The following THSD7B variants were observed in gnomAD, a reference collection of about 807,000 sequenced individuals.
THSD7B encodes the protein thrombospondin type-1 domain-containing protein 7B.
THSD7B carries 138 observed loss-of-function variants against 213.6 expected under a neutral mutation model. The observed-to-expected ratio is 0.65, with a 90% confidence interval of 0.56 to 0.74. THSD7B has a LOEUF of 0.74. THSD7B is among the 30% of genes least tolerant of loss of function. THSD7B has a pLI of 0.00. For missense variants in THSD7B, 1,931 were observed against 1,991.5 expected, an observed-to-expected ratio of 0.97 and a Z score of 0.58; for synonymous variants, 742 against 687.0, an observed-to-expected ratio of 1.08 and a Z score of -1.25.
chr2:137,253,792 A>AT (rs763165059), intron 10 of THSD7B, among the ~76,000 whole-genome samples: 10 of 152,146 alleles, frequency 6.6e-5, no homozygotes, highest in South Asian at 2.1e-4. Context: ...TAAATTAGTT[A>AT]TTTTTTGCTT....
intron 7 of THSD7B, among the ~76,000 whole-genome samples, chr2:137,175,296 C>T (rs1680337844): frequency 1.3e-5 from 2 of 152,174 alleles, no homozygotes. Flanking sequence ...TTACATGTTT[C>T]AGCAAACATC....
chr2:137,652,258 A>T (rs1270974743), intron 21 of THSD7B, among the ~76,000 whole-genome samples: 1 of 152,052 alleles, frequency 6.6e-6, no homozygotes, highest in Non-Finnish European at 1.5e-5. Context: ...TCTATCAACA[A>T]TTACAGTTGC....
At position 137,373,454 on chromosome 2, in the gene THSD7B, G is replaced by A. The variant is rs369153236; in HGVS notation, c.2501-32159G>A. 5.6e-4 allele frequency among the ~76,000 whole-genome samples: 86 copies of A among 152,254 alleles called. No individual in the cohort carries two copies. In the South Asian group the frequency reaches 0.017, roughly 30 times the overall value. The stretch of plus-strand genomic sequence containing the variant: ...TGCATTTCTCTGATGGCCAGTGATG[G>A]TGAGCATTTTTTCATGTGTTTTTTG... On this transcript the variant is annotated intron_variant, in intron 12 of 27. Coordinates refer to ENST00000409968, the MANE Select transcript of THSD7B (RefSeq NM_001316349.2).
intron 1 of THSD7B, among the ~76,000 whole-genome samples, chr2:136,772,248 A>G (rs2104899135): frequency 6.6e-6 from 1 of 152,238 alleles, no homozygotes; most frequent in African/African-American, 2.4e-5. Context: ...AAAATGCAAG[A>G]ACACACACAC....
At chr2:137,190,686 G>T (rs1680639933) in intron 7 of THSD7B, among the ~76,000 whole-genome samples, 1 of 152,072 alleles carries the variant, frequency 6.6e-6, no homozygotes, top group Admixed American at 6.6e-5. Flanking sequence ...CCCTGGGGCT[G>T]GTTAAAGCAC....
chr2:137,524,961 C>A (rs979684626), intron 15 of THSD7B, among the ~76,000 whole-genome samples: 1 of 152,080 alleles, frequency 6.6e-6, no homozygotes, highest in Admixed American at 6.6e-5. Flanking sequence ...TGTATGTTGG[C>A]AGCTAGATGG....
chr2:137,307,320 C>T (rs1429059734), intron 12 of THSD7B, among the ~76,000 whole-genome samples: 2 of 152,032 alleles, frequency 1.3e-5, no homozygotes, highest in Non-Finnish European at 2.9e-5. Flanking sequence ...CACAGACCCC[C>T]ATCAGTCAGG....
At chr2:137,664,147 C>T (rs1683404589) in intron 26 of THSD7B, among the ~76,000 whole-genome samples, 1 of 152,152 alleles carries the variant, frequency 6.6e-6, no homozygotes, top group African/African-American at 2.4e-5. Flanking sequence ...GCCACTGCAC[C>T]CGGCCTGAAA....
intron 16 of THSD7B, among the ~76,000 whole-genome samples, chr2:137,569,333 A>C: frequency 6.6e-6 from 1 of 152,142 alleles, no homozygotes; most frequent in East Asian, 1.9e-4. Context: ...CTTTGTGGTA[A>C]TTTTTGCAGT....
chr2:137,412,376 G>A (rs1013484770), intron 14 of THSD7B, among the ~76,000 whole-genome samples: 36 of 151,720 alleles, frequency 2.4e-4, no homozygotes, highest in East Asian at 1.9e-4. Context: ...CGAGGCAGGC[G>A]GATCACCTGA....
At chr2:137,217,497 T>C (rs770400001) in intron 7 of THSD7B, among the ~76,000 whole-genome samples, 3 of 152,242 alleles carry the variant, frequency 2.0e-5, no homozygotes, top group Non-Finnish European at 4.4e-5. Context: ...CAATGCAAAC[T>C]TAGAGGTGAA....
intron 3 of THSD7B, among the ~76,000 whole-genome samples, chr2:137,071,800 G>C (rs1687494353): frequency 6.6e-6 from 1 of 152,074 alleles, no homozygotes; most frequent in African/African-American, 2.4e-5. Context: ...TGTAAGGAAG[G>C]GATCCAGTTT....
chr2:136,972,167 G>A (rs1049000618), intron 2 of THSD7B, among the ~76,000 whole-genome samples: 2 of 152,122 alleles, frequency 1.3e-5, no homozygotes, highest in African/African-American at 4.8e-5. Flanking sequence ...TCAGACCCAG[G>A]GTAGACGTTG....
chr2:137,129,918 T>C (rs1211983468), intron 5 of THSD7B, among the ~76,000 whole-genome samples: 1 of 152,210 alleles, frequency 6.6e-6, no homozygotes, highest in East Asian at 1.9e-4. Context: ...CGATGAGCAT[T>C]AGTGGGAAAA....
intron 12 of THSD7B, among the ~76,000 whole-genome samples, chr2:137,365,091 C>T (rs1685375034): frequency 6.6e-6 from 1 of 152,096 alleles, no homozygotes; most frequent in East Asian, 1.9e-4. Flanking sequence ...ACACCACACA[C>T]CTACAGCCAT....
At chr2:136,811,671 T>C (rs1485610617) in intron 1 of THSD7B, among the ~76,000 whole-genome samples, 2 of 152,226 alleles carry the variant, frequency 1.3e-5, no homozygotes, top group African/African-American at 2.4e-5. Context: ...ACCTAGACTT[T>C]AGATATAATT....
intron 15 of THSD7B, among the ~76,000 whole-genome samples, chr2:137,556,691 C>T (rs1448817494): frequency 6.6e-6 from 1 of 152,096 alleles, no homozygotes. Flanking sequence ...CAACACATAA[C>T]AATATTAACC....
At position 136,774,451 on chromosome 2, in the gene THSD7B, G is replaced by T. The variant is rs188408293; in HGVS notation, c.-36+8764G>T. ...TTTCTGATAGTAACAGACCCTCTGG[G>T]CTGTGACATGCTTCAATTGAAAAAA... On this transcript the variant is annotated intron_variant, in intron 1 of 27. Coordinates refer to ENST00000409968, the MANE Select transcript of THSD7B (RefSeq NM_001316349.2). 2.2e-3 allele frequency among the ~76,000 whole-genome samples: 334 copies of T among 152,120 alleles called. 1 individual carries two copies. The highest frequency in any genetic ancestry group is 7.9e-3 in the African/African-American group (329 of 41,538).
At chr2:137,519,870 A>T (rs1370344496) in intron 15 of THSD7B, among the ~76,000 whole-genome samples, 1 of 152,216 alleles carries the variant, frequency 6.6e-6, no homozygotes, top group Non-Finnish European at 1.5e-5. Context: ...TTATTTGATC[A>T]CTGGGGCTTT....
Sources: gnomAD v4.1 joint callset for allele counts (sites outside exome capture counted in the v4.1 genomes callset) on GRCh38, gnomAD v4.1.1 for gene constraint, MANE v1.5 for transcripts, NCBI Gene and HGNC (gene_info 2026-07-23, HGNC 2026-07-21) for gene names.